The following HCN1 variants were observed in gnomAD, a reference collection of about 807,000 sequenced individuals.
The protein encoded by HCN1 is potassium/sodium hyperpolarization-activated cyclic nucleotide-gated channel 1.
In HCN1, 13 loss-of-function variants were observed where a neutral mutation model predicts 78.9. That is an observed-to-expected ratio of 0.16 (90% CI 0.11 to 0.26). HCN1 has a LOEUF of 0.26. Ranked by LOEUF, HCN1 falls within the 10% of genes least tolerant of loss-of-function variation. The probability of loss-of-function intolerance (pLI) is 1.00; values close to 1 mark genes in which losing one functional copy is unlikely to be tolerated. For missense variants in HCN1, 810 were observed against 1,154.3 expected (o/e 0.70, Z 4.32); for synonymous variants, 552 against 455.5 (o/e 1.21, Z -2.70).
intron 2 of HCN1, among the ~76,000 whole-genome samples, chr5:45,624,378 G>A (rs796248836): frequency 6.6e-6 from 1 of 152,158 alleles, no homozygotes; most frequent in Non-Finnish European, 1.5e-5. Flanking sequence ...TTTGAAAATA[G>A]AGCCAATGCA....
At chr5:45,619,429 AT>A (rs1292898745) in intron 2 of HCN1, among the ~76,000 whole-genome samples, 10 of 152,182 alleles carry the variant, frequency 6.6e-5, no homozygotes, top group African/African-American at 2.2e-4. Flanking sequence ...GTGCTAAAAA[AT>A]ATACGGTATC....
chr5:45,438,546 C>T lies in HCN1; in HGVS notation c.1011+23300G>A, dbSNP rs553867832. On this transcript the variant is annotated intron_variant, in intron 3 of 7. Transcript: ENST00000303230. ...GTGGAGCTTGCAGTGAGCCGAATCG[C>T]GCTACTGCACTCCAGCCTGGGCCAC... Among the ~76,000 whole-genome samples, 579 of 150,578 alleles carry T rather than the reference C, an allele frequency of 3.8e-3. 3 individuals are homozygous for T. The highest frequency in any genetic ancestry group is 0.031 in the Middle Eastern group (9 of 292).
In HCN1 at chr5:45,259,568, T is replaced by C. The variant is rs1024376667; in HGVS notation, c.*2353A>G. ...CTAAGTATATATACATTCATACATA[T>C]ATGTATATAATTTACCCTGTACCTT... On this transcript the variant is annotated 3_prime_UTR_variant, in exon 8 of 8. Coordinates refer to ENST00000303230, the MANE Select transcript of HCN1 (RefSeq NM_021072.4). The C allele has an allele frequency of 1.3e-5, 2 of 152,362 alleles. No individual in the cohort carries two copies. Among genetic ancestry groups the C allele is most frequent in the East Asian group, 1.9e-4 (1 of 5,182 alleles). 9.4% of individuals were successfully genotyped at this position (152,362 alleles called of 1,614,324 possible). A position where few individuals can be genotyped will look rare whatever the true frequency, so the allele number is the denominator to read the frequency against.
intron 5 of HCN1, among the ~76,000 whole-genome samples, chr5:45,338,350 C>G (rs1011350071): frequency 1.3e-5 from 2 of 152,050 alleles, no homozygotes; most frequent in African/African-American, 4.8e-5. Flanking sequence ...TTATGCAATA[C>G]TTTCATAAGC....
In HCN1 at chr5:45,670,953, T is replaced by C. The variant is rs573493523; in HGVS notation, c.425+24716A>G. ...ACTTTATTATAGTTACTGATACATA[T>C]GAATAACAGAAAAAAGGAATAGCCC... On this transcript the variant is annotated intron_variant, in intron 1 of 7. Coordinates refer to ENST00000303230, the MANE Select transcript of HCN1 (RefSeq NM_021072.4). Among the ~76,000 whole-genome samples the C allele has an allele frequency of 2.4e-4, 37 of 151,756 alleles. 1 individual carries two copies. The South Asian group carries it at 7.3e-3, about 30-fold the overall frequency.
At chr5:45,267,376 C>T (rs1264071363) in intron 6 of HCN1, 123 bp from the exon 7 acceptor site, 6 of 755,588 alleles carry the variant, frequency 7.9e-6, no homozygotes, top group Non-Finnish European at 1.3e-5. Flanking sequence ...GCAGCATTTT[C>T]TATTATATCA....
intron 2 of HCN1, among the ~76,000 whole-genome samples, chr5:45,551,279 A>C (rs1233932284): frequency 1.3e-5 from 2 of 151,954 alleles, no homozygotes; most frequent in Non-Finnish European, 2.9e-5. Context: ...AATGACGAAA[A>C]AAGTGAAAAA....
At chr5:45,509,707 C>A (rs539759095) in intron 2 of HCN1, among the ~76,000 whole-genome samples, 1 of 152,064 alleles carries the variant, frequency 6.6e-6, no homozygotes, top group Admixed American at 6.6e-5. Context: ...ACAGATATAG[C>A]CAGTATGTGG....
chr5:45,390,992 G>A (rs778907252), intron 4 of HCN1, among the ~76,000 whole-genome samples: 32 of 152,014 alleles, frequency 2.1e-4, no homozygotes, highest in Admixed American at 7.9e-4. Flanking sequence ...GATCTCCCTC[G>A]CCTGAGAACG....
rs1283722091 is a variant in HCN1 at position 45,256,439 on chromosome 5, A to G, written c.*5482T>C. 1 of 151,860 alleles carries G rather than the reference A, an allele frequency of 6.6e-6. No individual in the cohort carries two copies. The highest frequency in any genetic ancestry group is 2.4e-5 in the African/African-American group (1 of 41,354). 9.4% of individuals were successfully genotyped at this position (151,860 alleles called of 1,614,324 possible). On this transcript the variant is annotated 3_prime_UTR_variant, in exon 8 of 8. Coordinates refer to ENST00000303230, the MANE Select transcript of HCN1 (RefSeq NM_021072.4). ...TGGCCATTGATGTTACATTAGAAAT[A>G]TAATAGCTCCAAAGAATGTTCACCT...
chr5:45,274,301 A>T (rs546653104), intron 6 of HCN1, among the ~76,000 whole-genome samples: 1 of 152,274 alleles, frequency 6.6e-6, no homozygotes, highest in East Asian at 1.9e-4. Flanking sequence ...GATCAAATAA[A>T]GTTATTGTTT....
intron 5 of HCN1, among the ~76,000 whole-genome samples, chr5:45,349,534 T>A (rs1298355243): frequency 1.3e-5 from 2 of 151,522 alleles, no homozygotes; most frequent in East Asian, 3.9e-4. Context: ...AGAGCAGAAC[T>A]GAAGGAAATA....
intron 2 of HCN1, among the ~76,000 whole-genome samples, chr5:45,636,338 A>G (rs536369929): frequency 1.1e-4 from 17 of 152,224 alleles, no homozygotes; most frequent in Non-Finnish European, 2.2e-4. Context: ...ACTTTCATAA[A>G]CCAATAGTAT....
chr5:45,690,750 AGTTT>A (rs769016583), intron 1 of HCN1, among the ~76,000 whole-genome samples: 4 of 152,074 alleles, frequency 2.6e-5, no homozygotes, highest in African/African-American at 7.2e-5. Flanking sequence ...CCTAATTCAT[AGTTT>A]GTTACTCCTT....
At position 45,262,392 on chromosome 5, in the gene HCN1, C is replaced by T. The variant is rs1172557328; in HGVS notation, c.2202G>A (p.Pro734=). The change falls in exon 8 of 8, where the codon CCG becomes CCA. Residue 734 remains proline, a synonymous_variant. Coordinates refer to ENST00000303230, the MANE Select transcript of HCN1 (RefSeq NM_021072.4). ...GCTGGGACTGCTGTACCTGCTGCTG[C>T]GGCTGCTGTTGCATGAGTGACAGCT... is the stretch of plus-strand genomic sequence containing the variant. The part of the protein sequence containing the change: ...ASQLSLMQQQ[P]QQQVQQSQPP... The T allele has an allele frequency of 1.2e-6, 2 of 1,611,344 alleles. No individual in the cohort carries two copies. Among genetic ancestry groups the T allele is most frequent in the East Asian group, 2.2e-5 (1 of 44,848 alleles).
At chr5:45,453,826 T>C (rs2111605394) in intron 3 of HCN1, among the ~76,000 whole-genome samples, 1 of 152,270 alleles carries the variant, frequency 6.6e-6, no homozygotes, top group African/African-American at 2.4e-5. Context: ...CAACAACATT[T>C]AGAATAGCAA....
intron 5 of HCN1, among the ~76,000 whole-genome samples, chr5:45,315,314 A>C (rs1745959890): frequency 6.6e-6 from 1 of 152,214 alleles, no homozygotes; most frequent in African/African-American, 2.4e-5. Context: ...CTGAATGACT[A>C]CTGGGTACAC....
rs369514770 is a variant in HCN1, at chr5:45,408,489, T to C, written c.1012-11779A>G. Among the ~76,000 whole-genome samples, 52 of 152,292 alleles carry C rather than the reference T, an allele frequency of 3.4e-4. 2 individuals carry two copies. The South Asian group carries it at 0.01, about 30-fold the overall frequency. On this transcript the variant is annotated intron_variant, in intron 3 of 7. Coordinates refer to ENST00000303230, the MANE Select transcript of HCN1 (RefSeq NM_021072.4). Reference sequence around the variant, plus strand: ...GTAGAGGTTTGCTGCCTAGGAGCAATAGGCCATACCATATAGCCTAGGTGT... The same window carrying C: ...GTAGAGGTTTGCTGCCTAGGAGCAACAGGCCATACCATATAGCCTAGGTGT...
intron 2 of HCN1, among the ~76,000 whole-genome samples, chr5:45,560,468 T>C (rs2111876962): frequency 6.6e-6 from 1 of 152,156 alleles, no homozygotes; most frequent in Middle Eastern, 3.4e-3. Flanking sequence ...AAATAGGCAT[T>C]TCATAAGTAG....
Sources: gnomAD v4.1 joint callset for allele counts (sites outside exome capture counted in the v4.1 genomes callset) on GRCh38, gnomAD v4.1.1 for gene constraint, MANE v1.5 for transcripts, NCBI Gene and HGNC (gene_info 2026-07-23, HGNC 2026-07-21) for gene names.